TULP4: variants seen among roughly 807,000 people sequenced by gnomAD.
TULP4 encodes TUB like protein 4.
A neutral mutation model predicts 129.0 loss-of-function variants in TULP4; 16 were observed. The ratio of observed to expected loss-of-function variants is 0.12; its 90% confidence interval spans 0.08 to 0.19. The LOEUF (loss-of-function observed/expected upper bound fraction) is 0.19. Ranked by LOEUF, TULP4 falls within the 10% of genes least tolerant of loss-of-function variation. The probability of loss-of-function intolerance (pLI) is 1.00; values close to 1 mark genes in which losing one functional copy is unlikely to be tolerated. For missense variants in TULP4, 1,842 were observed against 2,059.1 expected (o/e 0.89, Z 2.04); for synonymous variants, 998 against 854.0 (o/e 1.17, Z -2.94).
intron 1 of TULP4, among the ~76,000 whole-genome samples, chr6:158,362,819 T>A (rs1780826510): frequency 6.6e-6 from 1 of 152,100 alleles, no homozygotes; most frequent in Non-Finnish European, 1.5e-5. Context: ...CTCACGCCCT[T>A]AATCCCAGCA....
At chr6:158,235,096 G>A (rs1458469688) in intron 1 of TULP4, among the ~76,000 whole-genome samples, 4 of 152,058 alleles carry the variant, frequency 2.6e-5, no homozygotes, top group African/African-American at 4.8e-5. Context: ...GAACCCGGGA[G>A]GCTGAGGTTG....
At chr6:158,395,177 A>G (rs936719800) in intron 1 of TULP4, among the ~76,000 whole-genome samples, 4 of 152,110 alleles carry the variant, frequency 2.6e-5, no homozygotes, top group Non-Finnish European at 5.9e-5. Flanking sequence ...TGAGTTTTGG[A>G]GGGGACAAAT....
intron 1 of TULP4, among the ~76,000 whole-genome samples, chr6:158,266,305 G>A (rs1435409254): frequency 2.0e-5 from 3 of 152,124 alleles, no homozygotes; most frequent in East Asian, 1.9e-4. Flanking sequence ...TATCCAGGCC[G>A]GAGGGCGGTG....
intron 1 of TULP4, among the ~76,000 whole-genome samples, chr6:158,307,340 A>T (rs996465660): frequency 9.2e-5 from 14 of 152,164 alleles, no homozygotes; most frequent in African/African-American, 3.4e-4. Flanking sequence ...ATAATCATGG[A>T]TGTTTTTCTT....
chr6:158,467,603 C>A (rs1779582370), intron 6 of TULP4, among the ~76,000 whole-genome samples: 1 of 152,156 alleles, frequency 6.6e-6, no homozygotes, highest in African/African-American at 2.4e-5. Flanking sequence ...TTAAACTGTT[C>A]TTCACTTTGC....
intron 9 of TULP4, among the ~76,000 whole-genome samples, chr6:158,491,390 G>GTT (rs1030095627): frequency 3.4e-5 from 5 of 146,768 alleles, no homozygotes; most frequent in Non-Finnish European, 6.0e-5. Context: ...AGTTATAAGA[G>GTT]TTCTTTCTTT....
chr6:158,454,018 A>ACTTCCC (rs373934513), intron 5 of TULP4, among the ~76,000 whole-genome samples: 8 of 114,616 alleles, frequency 7.0e-5, no homozygotes, highest in Non-Finnish European at 9.0e-5. Flanking sequence ...CTGCCTCTGC[A>ACTTCCC]CCGCCCCCCC....
intron 2 of TULP4, among the ~76,000 whole-genome samples, chr6:158,418,082 C>T (rs1778251788): frequency 6.7e-6 from 1 of 149,874 alleles, no homozygotes; most frequent in Non-Finnish European, 1.5e-5. Context: ...GGAGTTTCTG[C>T]CTTTTTGTGT....
chr6:158,385,010 A>G (rs1332677904), intron 1 of TULP4, among the ~76,000 whole-genome samples: 1 of 152,210 alleles, frequency 6.6e-6, no homozygotes, highest in Non-Finnish European at 1.5e-5. Flanking sequence ...CTTTTAATTA[A>G]GTTAAGAGTT....
chr6:158,378,488 T>TGGG (rs1777249040), intron 1 of TULP4, among the ~76,000 whole-genome samples: 2 of 39,740 alleles, frequency 5.0e-5, no homozygotes, highest in African/African-American at 9.5e-5. Context: ...TTTTTTTTGG[T>TGGG]GGGGGTGGGG....
chr6:158,470,153 C>A (rs1181731304), intron 6 of TULP4, among the ~76,000 whole-genome samples: 1 of 152,222 alleles, frequency 6.6e-6, no homozygotes, highest in Non-Finnish European at 1.5e-5. Context: ...TTAGCCTGAT[C>A]GGGAGCGGCA....
chr6:158,426,768 T>C (rs1203184025), intron 2 of TULP4, among the ~76,000 whole-genome samples: 1 of 152,224 alleles, frequency 6.6e-6, no homozygotes, highest in African/African-American at 2.4e-5. Context: ...ATGTCATTGG[T>C]AGTTTGATAG....
chr6:158,320,162 C>T (rs550049985), intron 1 of TULP4, among the ~76,000 whole-genome samples: 3 of 152,306 alleles, frequency 2.0e-5, no homozygotes, highest in East Asian at 1.9e-4. Flanking sequence ...GGGGACTCTT[C>T]GTGGCTGGCT....
chr6:158,488,773 T>C (rs1210702194), intron 8 of TULP4, among the ~76,000 whole-genome samples: 1 of 151,228 alleles, frequency 6.6e-6, no homozygotes, highest in African/African-American at 2.4e-5. Context: ...GGTCCTCACA[T>C]TGAGGACAGA....
At chr6:158,412,470 T>C (rs947402833) in intron 1 of TULP4, among the ~76,000 whole-genome samples, 1 of 152,202 alleles carries the variant, frequency 6.6e-6, no homozygotes, top group Non-Finnish European at 1.5e-5. Flanking sequence ...AAAACAAAGT[T>C]CTTATACTCA....
At chr6:158,430,515 G>A (rs341100) in intron 3 of TULP4, among the ~76,000 whole-genome samples, 9,549 of 152,236 alleles carry the variant, frequency 0.063, 399 homozygotes, top group Middle Eastern at 0.1. Flanking sequence ...GGTGGAGGCG[G>A]GTGGATCACC....
intron 6 of TULP4, among the ~76,000 whole-genome samples, chr6:158,471,107 A>AGGCAGTAGGG (rs1293258476): frequency 6.6e-6 from 1 of 152,244 alleles, no homozygotes; most frequent in Non-Finnish European, 1.5e-5. Flanking sequence ...TTTAATCTGG[A>AGGCAGTAGGG]AGAGACAGAA....
intron 6 of TULP4, among the ~76,000 whole-genome samples, chr6:158,462,373 C>A (rs975463512): frequency 4.2e-5 from 6 of 143,094 alleles, no homozygotes; most frequent in African/African-American, 1.6e-4. Flanking sequence ...ATTTTCTTTT[C>A]TTTTTTTCTT....
rs749903358 is a variant in TULP4, at chr6:158,502,365, G to A, written c.2702G>A (p.Cys901Tyr). Residue 901 changes from cysteine to tyrosine, a missense_variant, in exon 13 of 14, where the codon TGC (cysteine) becomes TAC (tyrosine). Around this residue, in one of 5 missense-constraint regions of TULP4, gnomAD observed 1,089 missense variants for 987.1 expected, o/e 1.10. Transcript: ENST00000367097. ...FDSSGNVEEV[C>Y]RPRTRMLCSQ... Reference sequence around the variant, plus strand: ...AGCAGTGGCAACGTGGAGGAGGTGTGCCGGCCCCGCACCCGGATGCTGTGC... The same window carrying A: ...AGCAGTGGCAACGTGGAGGAGGTGTACCGGCCCCGCACCCGGATGCTGTGC... 1 of 1,613,792 alleles carries A rather than the reference G, an allele frequency of 6.2e-7. No homozygotes were observed. The highest frequency in any genetic ancestry group is 8.5e-7 in the Non-Finnish European group (1 of 1,179,946).
Sources: allele counts gnomAD v4.1 joint callset (sites outside exome capture counted in the v4.1 genomes callset), GRCh38; gene constraint gnomAD v4.1.1; regional missense constraint gnomAD v4.1.1; transcripts MANE v1.5; gene names NCBI Gene and HGNC (gene_info 2026-07-23, HGNC 2026-07-21).